BNC2: variants seen among roughly 807,000 people sequenced by gnomAD.
BNC2 encodes zinc finger protein basonuclin-2.
A neutral mutation model predicts 76.3 loss-of-function variants in BNC2; 20 were observed. The ratio of observed to expected loss-of-function variants is 0.26; its 90% CI spans 0.18 to 0.38. The LOEUF (loss-of-function observed/expected upper bound fraction) is 0.38, where lower values mean the gene tolerates loss of function less well. Ranked by LOEUF, BNC2 falls within the 10% of genes least tolerant of loss-of-function variation. The probability of loss-of-function intolerance (pLI) is 1.00; values close to 1 mark genes in which losing one functional copy is unlikely to be tolerated. For synonymous variants in BNC2, 582 were observed against 514.8 expected (o/e 1.13, Z -1.77); for missense variants, 1,382 against 1,399.8 (o/e 0.99, Z 0.20).
chr9:16,813,370 A>G (rs1466111746), intron 1 of BNC2, among the ~76,000 whole-genome samples: 4 of 150,446 alleles, frequency 2.7e-5, no homozygotes, highest in African/African-American at 9.8e-5. Context: ...GGTTCACGCC[A>G]TTCTCCTGCC....
chr9:16,827,824 C>A (rs1266996135), intron 1 of BNC2, among the ~76,000 whole-genome samples: 1 of 151,954 alleles, frequency 6.6e-6, no homozygotes, highest in Non-Finnish European at 1.5e-5. Flanking sequence ...GAAAATGGGC[C>A]CCTATAATTT....
intron 3 of BNC2, chr9:16,727,065 A>ACCTCC (rs2134975725): frequency 6.6e-6 from 1 of 152,310 alleles, no homozygotes; most frequent in South Asian, 2.1e-4. Context: ...CGCGGCCGGG[A>ACCTCC]CGGAGGAGCG....
intron 1 of BNC2, among the ~76,000 whole-genome samples, chr9:16,791,560 C>G (rs942745916): frequency 6.6e-6 from 1 of 152,094 alleles, no homozygotes; most frequent in African/African-American, 2.4e-5. Flanking sequence ...AGATTGATGC[C>G]CTTCCCATTA....
chr9:16,618,394 T>C (rs1413678161), intron 3 of BNC2, among the ~76,000 whole-genome samples: 2 of 152,166 alleles, frequency 1.3e-5, no homozygotes, highest in African/African-American at 4.8e-5. Context: ...AACCTTCTCA[T>C]TACCAGAATC....
At chr9:16,558,499 T>C (rs1818906876) in intron 4 of BNC2, among the ~76,000 whole-genome samples, 1 of 152,184 alleles carries the variant, frequency 6.6e-6, no homozygotes, top group Admixed American at 6.5e-5. Context: ...ACAAAATCTG[T>C]ATTTCCTTGT....
At chr9:16,822,469 G>A (rs1224199966) in intron 1 of BNC2, among the ~76,000 whole-genome samples, 1 of 152,104 alleles carries the variant, frequency 6.6e-6, no homozygotes, top group African/African-American at 2.4e-5. Context: ...TTTAAAGTAG[G>A]GTTAGTACAG....
chr9:16,870,578 G>C (rs1231749977), intron 1 of BNC2, 68 bp downstream of exon 1: 1 of 1,583,486 alleles, frequency 6.3e-7, no homozygotes, highest in East Asian at 2.3e-5. Context: ...CCCCGGTGGC[G>C]CTCGGGCGCG....
At chr9:16,551,368 A>G (rs760033632) in intron 5 of BNC2, among the ~76,000 whole-genome samples, 1 of 152,208 alleles carries the variant, frequency 6.6e-6, no homozygotes, top group Non-Finnish European at 1.5e-5. Context: ...GAAAATGACA[A>G]GAATCTGTGT....
intron 3 of BNC2, among the ~76,000 whole-genome samples, chr9:16,618,496 CCTTT>C (rs1322996577): frequency 6.6e-6 from 1 of 152,216 alleles, no homozygotes; most frequent in East Asian, 1.9e-4. Flanking sequence ...CAGAGCTCTC[CCTTT>C]ATTTACAGAA....
At chr9:16,652,896 G>A (rs775142559) in intron 3 of BNC2, among the ~76,000 whole-genome samples, 1 of 152,136 alleles carries the variant, frequency 6.6e-6, no homozygotes, top group Non-Finnish European at 1.5e-5. Flanking sequence ...GCAAACCGAA[G>A]TCTTGACACA....
chr9:16,586,540 T>A (rs1410808923), intron 3 of BNC2, among the ~76,000 whole-genome samples: 2 of 152,236 alleles, frequency 1.3e-5, no homozygotes, highest in African/African-American at 4.8e-5. Context: ...GCACTAACTC[T>A]CCTTCATTCC....
chr9:16,582,178 A>G (rs573237792), intron 4 of BNC2, among the ~76,000 whole-genome samples: 1 of 152,192 alleles, frequency 6.6e-6, no homozygotes, highest in South Asian at 2.1e-4. Context: ...TTTTATAAAC[A>G]TTACCTATCT....
At chr9:16,462,769 T>C (rs1486872918) in intron 5 of BNC2, among the ~76,000 whole-genome samples, 1 of 152,176 alleles carries the variant, frequency 6.6e-6, no homozygotes. Flanking sequence ...CTTCACATTG[T>C]CCTCCTTTGA....
intron 5 of BNC2, among the ~76,000 whole-genome samples, chr9:16,445,309 G>C (rs1027781659): frequency 6.6e-6 from 1 of 152,262 alleles, no homozygotes; most frequent in African/African-American, 2.4e-5. Context: ...CACTTTGCTT[G>C]TGTAAGTAAA....
intron 6 of BNC2, among the ~76,000 whole-genome samples, chr9:16,423,641 T>C (rs1471451687): frequency 1.3e-5 from 2 of 152,192 alleles, no homozygotes; most frequent in African/African-American, 2.4e-5. Flanking sequence ...AAATACACTG[T>C]AGAAGGGAAG....
At chr9:16,801,621 C>A (rs1435179907) in intron 1 of BNC2, among the ~76,000 whole-genome samples, 1 of 151,820 alleles carries the variant, frequency 6.6e-6, no homozygotes, top group Non-Finnish European at 1.5e-5. Context: ...TTTCAAGTTA[C>A]TTTTAAAAAG....
chr9:16,573,719 C>A (rs1362773386), intron 4 of BNC2, among the ~76,000 whole-genome samples: 2 of 152,058 alleles, frequency 1.3e-5, no homozygotes, highest in Non-Finnish European at 2.9e-5. Context: ...CACTACTGGG[C>A]CTTTTAACAA....
chr9:16,533,257 A>T (rs575778508), intron 5 of BNC2, among the ~76,000 whole-genome samples: 2 of 152,310 alleles, frequency 1.3e-5, no homozygotes, highest in African/African-American at 4.8e-5. Context: ...TGTGTCTTGG[A>T]CAGGAAACAC....
chr9:16,419,336 C>T lies in BNC2; in HGVS notation c.2953G>A (p.Asp985Asn), dbSNP rs765807072. 11 of 1,611,950 alleles carry T rather than the reference C, an allele frequency of 6.8e-6. No individual in the cohort carries two copies. The highest frequency in any genetic ancestry group is 1.3e-5 in the African/African-American group (1 of 74,828). ...ATGTCATCGAGAAGAATCCCCTCATCGCTGCCTGCGTCGGATTCTCTGGAG... is the reference window on the plus strand; with the variant it reads ...ATGTCATCGAGAAGAATCCCCTCATTGCTGCCTGCGTCGGATTCTCTGGAG... ...HSSRESDAGS[D>N]EGILLDDIDG... Residue 985 changes from aspartate to asparagine, a missense_variant, in exon 7 of 7, where the codon GAT (aspartate) becomes AAT (asparagine). Coordinates refer to ENST00000380672, the MANE Select transcript of BNC2 (RefSeq NM_017637.6).
Sources: allele counts gnomAD v4.1 joint callset (sites outside exome capture counted in the v4.1 genomes callset), GRCh38; gene constraint gnomAD v4.1.1; transcripts MANE v1.5; gene names NCBI Gene and HGNC (gene_info 2026-07-23, HGNC 2026-07-21).